Variants in NELL2 observed in about 807,000 individuals in gnomAD.
NELL2 encodes neural EGFL like 2, also known as protein kinase C-binding protein NELL2.
Under a neutral mutation model 109.6 loss-of-function variants are expected in NELL2, and 41 were observed. The observed-to-expected ratio is 0.37, with a 90% CI of 0.29 to 0.49. The LOEUF is 0.49. Ranked by LOEUF, NELL2 falls within the 20% of genes least tolerant of loss-of-function variation. NELL2 has a pLI of 0.98. For missense variants in NELL2, 900 were observed against 1,008.3 expected (o/e 0.89, Z 1.45); for synonymous variants, 355 against 344.7 (o/e 1.03, Z -0.33).
At chr12:44,531,375 T>G (rs1409468522) in intron 16 of NELL2, among the ~76,000 whole-genome samples, 1 of 152,220 alleles carries the variant, frequency 6.6e-6, no homozygotes, top group Non-Finnish European at 1.5e-5. Context: ...TGATCTGTCT[T>G]GAAACTATAA....
At chr12:44,657,120 C>G (rs1947532402) in intron 13 of NELL2, among the ~76,000 whole-genome samples, 2 of 151,858 alleles carry the variant, frequency 1.3e-5, no homozygotes, top group Admixed American at 1.3e-4. Flanking sequence ...CCTTTTGCAC[C>G]CAAAAATAGT....
chr12:44,802,861 G>T (rs776007599), intron 3 of NELL2, among the ~76,000 whole-genome samples: 21 of 151,918 alleles, frequency 1.4e-4, no homozygotes, highest in Non-Finnish European at 2.9e-4. Flanking sequence ...AATACAGGTG[G>T]GCATGGTCAA....
chr12:44,707,872 A>G (rs752254599), intron 11 of NELL2, among the ~76,000 whole-genome samples: 4 of 152,214 alleles, frequency 2.6e-5, no homozygotes, highest in Non-Finnish European at 5.9e-5. Context: ...ATAATTGAAT[A>G]ATATGGGAAA....
chr12:44,697,903 T>C (rs1280052519), intron 12 of NELL2, among the ~76,000 whole-genome samples: 1 of 152,176 alleles, frequency 6.6e-6, no homozygotes, highest in African/African-American at 2.4e-5. Context: ...AATCAAGGTG[T>C]TGACAGGATT....
At chr12:44,681,242 C>A (rs2136370736) in intron 12 of NELL2, among the ~76,000 whole-genome samples, 1 of 149,698 alleles carries the variant, frequency 6.7e-6, no homozygotes, top group East Asian at 1.9e-4. Context: ...ATTTGCATAT[C>A]TAGTCATCCT....
intron 13 of NELL2, among the ~76,000 whole-genome samples, chr12:44,619,634 G>A (rs531674994): frequency 7.9e-5 from 12 of 152,162 alleles, no homozygotes; most frequent in African/African-American, 2.4e-4. Flanking sequence ...AGAAGGCGGC[G>A]GAAGAGGAGG....
chr12:44,531,456 G>A (rs193243176), intron 16 of NELL2, among the ~76,000 whole-genome samples: 1 of 152,266 alleles, frequency 6.6e-6, no homozygotes, highest in Admixed American at 6.5e-5. Flanking sequence ...GCAAGATAAA[G>A]CCCTTAGACC....
At chr12:44,794,826 G>A (rs1007005045) in intron 3 of NELL2, among the ~76,000 whole-genome samples, 2 of 151,944 alleles carry the variant, frequency 1.3e-5, no homozygotes, top group African/African-American at 4.8e-5. Flanking sequence ...TGTCATTAAT[G>A]AGCATTTACT....
chr12:44,526,501 T>A (rs1941779219), intron 16 of NELL2, among the ~76,000 whole-genome samples: 1 of 152,114 alleles, frequency 6.6e-6, no homozygotes, highest in African/African-American at 2.4e-5. Context: ...ACTGAAGCAA[T>A]CATGCTCTAA....
At chr12:44,681,157 A>G (rs1948484776) in intron 12 of NELL2, among the ~76,000 whole-genome samples, 1 of 150,944 alleles carries the variant, frequency 6.6e-6, no homozygotes, top group African/African-American at 2.4e-5. Flanking sequence ...ATCCATGTCA[A>G]TATACATATA....
intron 11 of NELL2, among the ~76,000 whole-genome samples, chr12:44,707,191 C>T (rs779431226): frequency 5.9e-5 from 9 of 152,258 alleles, no homozygotes; most frequent in Non-Finnish European, 1.0e-4. Flanking sequence ...GTCACACCAG[C>T]CAATGCAGTC....
At chr12:44,860,091 G>C (rs1365325693) in intron 2 of NELL2, among the ~76,000 whole-genome samples, 2 of 152,180 alleles carry the variant, frequency 1.3e-5, no homozygotes, top group Non-Finnish European at 2.9e-5. Flanking sequence ...CTAGACACTT[G>C]ATTTTACTCT....
chr12:44,862,966 T>A (rs1168767126), intron 2 of NELL2, among the ~76,000 whole-genome samples: 1 of 152,224 alleles, frequency 6.6e-6, no homozygotes, highest in Admixed American at 6.5e-5. Context: ...ACATATACTT[T>A]AAGTTCTGGG....
intron 1 of NELL2, among the ~76,000 whole-genome samples, chr12:44,906,808 G>A (rs75670057): frequency 0.011 from 1,602 of 152,184 alleles, 31 homozygotes; most frequent in East Asian, 0.048. Context: ...GGCAGCTGGA[G>A]TTTAATGATT....
At chr12:44,573,284 G>A (rs1943940740) in intron 15 of NELL2, among the ~76,000 whole-genome samples, 1 of 152,132 alleles carries the variant, frequency 6.6e-6, no homozygotes. Flanking sequence ...AAGAAGCCAA[G>A]GAGAAAATCT....
rs541226185 is a variant in NELL2 at position 44,736,086 on chromosome 12, C to T, written c.995-21345G>A. ...AGCGCAGTGGCGCGATCTTGACTCA[C>T]TGCAAGCTCCGCCTCCCGGGTTCAC... On this transcript the variant is annotated intron_variant, in intron 9 of 19. Transcript: ENST00000429094. 6.1e-5 allele frequency among the ~76,000 whole-genome samples: 9 copies of T among 146,882 alleles called. No individual in the cohort carries two copies. The South Asian group carries it at 2.0e-3, about 32-fold the overall frequency.
At chr12:44,531,574 C>A (rs1003582502) in intron 16 of NELL2, among the ~76,000 whole-genome samples, 1 of 152,222 alleles carries the variant, frequency 6.6e-6, no homozygotes, top group African/African-American at 2.4e-5. Context: ...AGCTCCAGAG[C>A]TTGTCTGCTG....
intron 3 of NELL2, among the ~76,000 whole-genome samples, chr12:44,798,050 G>C (rs866077169): frequency 9.7e-6 from 1 of 102,720 alleles, no homozygotes; most frequent in Non-Finnish European, 2.1e-5. Flanking sequence ...TGGAATAAAA[G>C]CATTCCATCC....
chr12:44,911,473 C>A (rs1945779282), intron 1 of NELL2, among the ~76,000 whole-genome samples: 1 of 151,812 alleles, frequency 6.6e-6, no homozygotes, highest in Non-Finnish European at 1.5e-5. Flanking sequence ...AAATTATAAT[C>A]TTTCAAAAGA....
Sources: allele counts gnomAD v4.1 joint callset (sites outside exome capture counted in the v4.1 genomes callset), GRCh38; gene constraint gnomAD v4.1.1; transcripts MANE v1.5; gene names NCBI Gene and HGNC (gene_info 2026-07-23, HGNC 2026-07-21).